The following CR2 variants were observed in gnomAD, a reference collection of about 807,000 sequenced individuals.
The protein encoded by CR2 is complement C3d receptor 2.
Under a neutral mutation model 123.0 loss-of-function variants are expected in CR2, and 96 were observed. That is an observed-to-expected ratio of 0.78 (90% CI 0.66 to 0.93). CR2 has a LOEUF of 0.93. CR2 is among the 40% of genes least tolerant of loss of function. CR2 has a pLI of 0.00. For missense variants in CR2, 1,258 were observed against 1,361.0 expected, an observed-to-expected ratio of 0.92 and a Z score of 1.19; for synonymous variants, 484 against 469.5, an observed-to-expected ratio of 1.03 and a Z score of -0.40.
At chr1:207,463,783 A>G (rs574230922) in intron 1 of CR2, among the ~76,000 whole-genome samples, 1 of 152,284 alleles carries the variant, frequency 6.6e-6, no homozygotes, top group African/African-American at 2.4e-5. Context: ...GTATTATCTC[A>G]GACAATATTG....
At chr1:207,484,141 G>A (rs1658685180) in intron 18 of CR2, among the ~76,000 whole-genome samples, 1 of 152,166 alleles carries the variant, frequency 6.6e-6, no homozygotes, top group South Asian at 2.1e-4. Flanking sequence ...ATGCTACTGA[G>A]TTTGCTATCA....
chr1:207,459,025 T>C (rs1267019369), intron 1 of CR2, among the ~76,000 whole-genome samples: 1 of 152,196 alleles, frequency 6.6e-6, no homozygotes, highest in Non-Finnish European at 1.5e-5. Context: ...TGTGTGATTA[T>C]GAATTGTGTG....
At chr1:207,458,046 A>G (rs1572944858) in intron 1 of CR2, among the ~76,000 whole-genome samples, 1 of 106,702 alleles carries the variant, frequency 9.4e-6, no homozygotes, top group Non-Finnish European at 2.1e-5. Flanking sequence ...ACAATTCCCT[A>G]CCTCAAGGCC....
chr1:207,462,347 G>T (rs1356710602), intron 1 of CR2, among the ~76,000 whole-genome samples: 1 of 152,166 alleles, frequency 6.6e-6, no homozygotes, highest in Non-Finnish European at 1.5e-5. Context: ...GGCCCTCTGA[G>T]CAGAGGAAAC....
At chr1:207,467,022 G>A in intron 2 of CR2, 110 bp downstream of exon 2, 10 of 1,303,360 alleles carry the variant, frequency 7.7e-6, no homozygotes, top group Non-Finnish European at 8.2e-6. Context: ...AATGATGAGG[G>A]TGGAAGAAGG....
chr1:207,474,443 A>G, intron 13 of CR2, 120 bp downstream of exon 13: 2 of 777,602 alleles, frequency 2.6e-6, no homozygotes, highest in East Asian at 5.2e-5. Flanking sequence ...TGGAGGTTAG[A>G]TAAGAAAAAT....
At chr1:207,455,268 G>T (rs893638507) in intron 1 of CR2, among the ~76,000 whole-genome samples, 6 of 152,168 alleles carry the variant, frequency 3.9e-5, no homozygotes, top group African/African-American at 1.4e-4. Flanking sequence ...TAGTTTATAA[G>T]ACGTTTACTG....
At chr1:207,465,509 A>C (rs1489319577) in intron 1 of CR2, among the ~76,000 whole-genome samples, 4 of 152,200 alleles carry the variant, frequency 2.6e-5, no homozygotes, top group Non-Finnish European at 4.4e-5. Context: ...AAGATGTTAA[A>C]TTGATTCAGT....
chr1:207,465,684 C>A (rs539783254), intron 1 of CR2, among the ~76,000 whole-genome samples: 200 of 152,316 alleles, frequency 1.3e-3, no homozygotes, highest in Non-Finnish European at 2.6e-3. Flanking sequence ...GGGAAGTTAA[C>A]TGAAAGTTCT....
At chr1:207,466,936 T>C in intron 2 of CR2, 24 bp downstream of exon 2, 1 of 1,558,340 alleles carries the variant, frequency 6.4e-7, no homozygotes, top group Non-Finnish European at 8.6e-7. Context: ...GAAAGCTGGG[T>C]TGGGAGGTTG....
chr1:207,474,221 T>C lies in CR2; in HGVS notation c.2241-20T>C, dbSNP rs1471435539. 1.9e-6 allele frequency: 3 copies of C among 1,571,476 alleles called. No individual in the cohort carries two copies. The highest frequency in any genetic ancestry group is 1.4e-5 in the African/African-American group (1 of 74,012). On this transcript the variant is annotated intron_variant, in intron 12 of 19. Transcript: ENST00000367057. ...ATGATATTGGGAACAGGAAATGCAT[T>C]ATAATCTGTCTCTCTGTAGGTACCA... is the stretch of plus-strand genomic sequence containing the variant.
At chr1:207,458,999 T>C (rs1657904907) in intron 1 of CR2, among the ~76,000 whole-genome samples, 1 of 152,146 alleles carries the variant, frequency 6.6e-6, no homozygotes, top group Non-Finnish European at 1.5e-5. Context: ...GAATAGAACA[T>C]TGCAATGGGA....
intron 6 of CR2, 66 bp downstream of exon 6, chr1:207,470,168 G>T (rs538586120): frequency 5.0e-5 from 80 of 1,589,180 alleles, no homozygotes; most frequent in Non-Finnish European, 7.7e-6. Context: ...AGAAGGGGTT[G>T]TGGGCTTTAG....
chr1:207,474,752 A>G (rs994012721), intron 13 of CR2, 72 bp from the exon 14 acceptor site: 20 of 1,499,098 alleles, frequency 1.3e-5, no homozygotes, highest in Non-Finnish European at 1.8e-5. Context: ...GCATATTGTC[A>G]TTTGTACCTG....
At chr1:207,466,938 G>GGGA in intron 2 of CR2, 26 bp downstream of exon 2, 1 of 1,556,440 alleles carries the variant, frequency 6.4e-7, no homozygotes, top group African/African-American at 1.4e-5. Context: ...AAGCTGGGTT[G>GGGA]GGAGGTTGGG....
Position 207,470,985 on chromosome 1 carries a change from CT to C in CR2, c.1403-11del. 6.2e-7 allele frequency: 1 copy of C among 1,613,802 alleles called. No homozygotes were observed. Among genetic ancestry groups the C allele is most frequent in the African/African-American group, 1.3e-5 (1 of 74,996 alleles). On this transcript the variant is annotated splice_polypyrimidine_tract_variant and intron_variant, in intron 7 of 19. Coordinates refer to ENST00000367057, the MANE Select transcript of CR2 (RefSeq NM_001006658.3). ...CCTTGAATTAAATTCTCATCCTAGT[CT>C]CTTTTCTTAGTGGCAGCGTGTGAAG...
intron 19 of CR2, among the ~76,000 whole-genome samples, chr1:207,487,884 G>A (rs184614216): frequency 3.9e-5 from 6 of 152,296 alleles, no homozygotes; most frequent in Non-Finnish European, 5.9e-5. Context: ...GGGAGTGAAC[G>A]TGTGGAAGTT....
chr1:207,454,675 G>A lies in CR2; in HGVS notation c.58+199G>A, dbSNP rs1374702796. ...CCCCACTGGCCCCTCCGGGAGCTGG[G>A]ACCTCCAGAATTGGAGGCTGCGCCA... On this transcript the variant is annotated intron_variant, in intron 1 of 19. Coordinates refer to ENST00000367057, the MANE Select transcript of CR2 (RefSeq NM_001006658.3). This position sits in a 1 kb window ranked among gnomAD's most constrained non-coding sequence, Gnocchi z 4.3. 2 of 518,950 alleles carry A rather than the reference G, an allele frequency of 3.9e-6. No homozygotes were observed. The highest frequency in any genetic ancestry group is 2.5e-5 in the South Asian group (1 of 39,744). The allele number at this position is 518,950 out of a possible 1,614,324, so 32.1% of individuals were successfully genotyped here.
intron 2 of CR2, 30 bp downstream of exon 2, chr1:207,466,942 G>A (rs1040046462): frequency 1.9e-6 from 3 of 1,554,306 alleles, no homozygotes; most frequent in Non-Finnish European, 2.6e-6. Context: ...TGGGTTGGGA[G>A]GTTGGGGTCT....
Sources: allele counts gnomAD v4.1 joint callset (sites outside exome capture counted in the v4.1 genomes callset), GRCh38; gene constraint gnomAD v4.1.1; non-coding constraint Gnocchi (gnomAD v3.1); transcripts MANE v1.5; gene names NCBI Gene and HGNC (gene_info 2026-07-23, HGNC 2026-07-21).